KIF1A: variants seen among roughly 807,000 people sequenced by gnomAD.
KIF1A encodes the protein kinesin-like protein KIF1A.
Under a neutral mutation model 227.3 loss-of-function variants are expected in KIF1A, and 46 were observed. That is an observed-to-expected ratio of 0.20 (90% CI 0.16 to 0.26). The LOEUF (loss-of-function observed/expected upper bound fraction) is 0.26, where lower values mean the gene tolerates loss of function less well. Ranked by LOEUF, KIF1A falls within the 10% of genes least tolerant of loss-of-function variation. KIF1A has a pLI of 1.00. For missense variants in KIF1A, 1,683 were observed against 2,485.9 expected (o/e 0.68, Z 6.87); for synonymous variants, 1,022 against 1,012.8 (o/e 1.01, Z -0.17).
At chr2:240,734,371 G>A (rs533270421) in intron 38 of KIF1A, among the ~76,000 whole-genome samples, 1 of 152,328 alleles carries the variant, frequency 6.6e-6, no homozygotes, top group East Asian at 1.9e-4. Flanking sequence ...CCATCCACAG[G>A]GCAGGGTGTG....
rs890263374 is a variant in KIF1A, at chr2:240,793,944, C to T, written c.106+3703G>A. ...CCGCCATCTTCCGAGGGGCCTGGCACACCAGCCAGGGCAGCCACTCCCAAT... is the reference window on the plus strand; with the variant it reads ...CCGCCATCTTCCGAGGGGCCTGGCATACCAGCCAGGGCAGCCACTCCCAAT... On this transcript the variant is annotated intron_variant, in intron 2 of 48. Coordinates refer to ENST00000498729, the MANE Select transcript of KIF1A (RefSeq NM_001244008.2). This position sits in a 1 kb window ranked among gnomAD's most constrained non-coding sequence, Gnocchi z 4.8. Among the ~76,000 whole-genome samples the T allele has an allele frequency of 6.6e-6, 1 of 152,200 alleles. No homozygotes were observed. Among genetic ancestry groups the T allele is most frequent in the Non-Finnish European group, 1.5e-5 (1 of 68,026 alleles).
At position 240,789,416 on chromosome 2, in the gene KIF1A, C is replaced by T; in HGVS notation, c.107-104G>A. ...AGATGGTCTTAAGAGGCCTCGGGCC[C>T]CAGACAAGCCAGGCCCCCAAATTGG... On this transcript the variant is annotated intron_variant, in intron 2 of 48. Transcript: ENST00000498729. The surrounding 1 kb of genome is among the most constrained non-coding windows in gnomAD (Gnocchi z 4.8). 1.1e-6 allele frequency: 1 copy of T among 910,840 alleles called. No homozygotes were observed. Among genetic ancestry groups the T allele is most frequent in the Non-Finnish European group, 1.8e-6 (1 of 563,656 alleles). 56.4% of individuals were successfully genotyped at this position (910,840 alleles called of 1,614,324 possible).
At chr2:240,731,870 TG>T (rs1216528217) in intron 38 of KIF1A, among the ~76,000 whole-genome samples, 2 of 107,488 alleles carry the variant, frequency 1.9e-5, no homozygotes, top group Non-Finnish European at 3.7e-5. Flanking sequence ...CTATGGGGAT[TG>T]GGGGGTAAGG....
At chr2:240,791,542 C>A (rs4676445) in intron 2 of KIF1A, among the ~76,000 whole-genome samples, 3 of 65,734 alleles carry the variant, frequency 4.6e-5, no homozygotes, top group Non-Finnish European at 8.5e-5. Context: ...CGCCTCACCC[C>A]GCTGCACTCA....
intron 38 of KIF1A, among the ~76,000 whole-genome samples, chr2:240,729,093 G>C (rs1291812993): frequency 1.3e-5 from 2 of 152,116 alleles, no homozygotes; most frequent in Admixed American, 6.5e-5. Context: ...ATCACTGTCT[G>C]GTACACATCA....
chr2:240,788,037 C>CTGG lies in KIF1A; in HGVS notation c.363+13_363+14insCCA. On this transcript the variant is annotated intron_variant, in intron 4 of 48. Transcript: ENST00000498729. The surrounding 1 kb of genome is among the most constrained non-coding windows in gnomAD (Gnocchi z 6.6). ...ATCTGCCAGGGCTGCCCCCGCCCGCCCCCCGCTTCGTGCCTGTGGGATGAT... is the reference window on the plus strand; with the variant it reads ...ATCTGCCAGGGCTGCCCCCGCCCGCCTGGCCCCGCTTCGTGCCTGTGGGATGAT... The CTGG allele has an allele frequency of 6.7e-7, 1 of 1,496,088 alleles. No homozygotes were observed. Among genetic ancestry groups the CTGG allele is most frequent in the Non-Finnish European group, 9.1e-7 (1 of 1,099,034 alleles). 92.7% of individuals were successfully genotyped at this position (1,496,088 alleles called of 1,614,324 possible).
chr2:240,734,102 G>A (rs866853093), intron 38 of KIF1A, among the ~76,000 whole-genome samples: 1 of 152,246 alleles, frequency 6.6e-6, no homozygotes, highest in African/African-American at 2.4e-5. Context: ...AAGGATGCTC[G>A]GTGGCCACGG....
In KIF1A at chr2:240,790,232, GGAGGCCT is replaced by G. The variant is rs2055492712; in HGVS notation, c.107-927_107-921del. Among the ~76,000 whole-genome samples the G allele has an allele frequency of 6.6e-6, 1 of 152,196 alleles. No homozygotes were observed. Among genetic ancestry groups the G allele is most frequent in the Non-Finnish European group, 1.5e-5 (1 of 68,032 alleles). On this transcript the variant is annotated intron_variant, in intron 2 of 48. Transcript: ENST00000498729. The surrounding 1 kb of genome is among the most constrained non-coding windows in gnomAD (Gnocchi z 5.0). ...CCAGAATTGGTGTTGACAGAGGCCTGGAGGCCTGAGGCAGTCCCCTCCCAGGTTCTCA... is the reference window on the plus strand; with the variant it reads ...CCAGAATTGGTGTTGACAGAGGCCTGGAGGCAGTCCCCTCCCAGGTTCTCA...
chr2:240,737,210 C>A, intron 37 of KIF1A, 42 bp from the exon 38 acceptor site: 1 of 1,541,344 alleles, frequency 6.5e-7, no homozygotes, highest in Non-Finnish European at 9.0e-7. Flanking sequence ...TCCCAGGGGG[C>A]AGGTGGGACC....
intron 33 of KIF1A, among the ~76,000 whole-genome samples, 180 bp from the exon 34 acceptor site, chr2:240,743,164 C>T (rs931919668): frequency 2.0e-5 from 3 of 152,132 alleles, no homozygotes; most frequent in Non-Finnish European, 4.4e-5. Context: ...CCAGCTCCCA[C>T]CCCAGAGGCC....
At chr2:240,717,549 G>A in intron 48 of KIF1A, 143 bp from the exon 49 acceptor site, 1 of 727,108 alleles carries the variant, frequency 1.4e-6, no homozygotes, top group Non-Finnish European at 2.3e-6. Flanking sequence ...CTGGGGAAGG[G>A]ACTGAATCTC....
intron 29 of KIF1A, among the ~76,000 whole-genome samples, chr2:240,746,709 C>A (rs906506366): frequency 6.6e-6 from 1 of 152,158 alleles, no homozygotes; most frequent in South Asian, 2.1e-4. Flanking sequence ...ATGGGGTGCA[C>A]TTTGGGGACC....
In KIF1A at chr2:240,772,488, C is replaced by T. The variant is rs2125963908; in HGVS notation, c.1207+82G>A. On this transcript the variant is annotated intron_variant, in intron 14 of 48. Coordinates refer to ENST00000498729, the MANE Select transcript of KIF1A (RefSeq NM_001244008.2). ...AGAGCAGGTACCCTGGGGTTCACCCCTCCCTGACCATGCCACCCTAGGCCC... is the reference window on the plus strand; with the variant it reads ...AGAGCAGGTACCCTGGGGTTCACCCTTCCCTGACCATGCCACCCTAGGCCC... 3.1e-6 allele frequency: 4 copies of T among 1,270,270 alleles called. No individual in the cohort carries two copies. The South Asian group carries it at 5.2e-5, about 16-fold the overall frequency. The allele number at this position is 1,270,270 out of a possible 1,614,324, so 78.7% of individuals were successfully genotyped here.
chr2:240,756,312 T>C (rs2049845438), intron 27 of KIF1A, among the ~76,000 whole-genome samples: 1 of 152,346 alleles, frequency 6.6e-6, no homozygotes, highest in Admixed American at 6.5e-5. Flanking sequence ...TTCATATATG[T>C]AAAATATATA....
Position 240,775,981 on chromosome 2 carries a change from A to T in KIF1A, c.883-55T>A, listed in dbSNP as rs2052676587. ...CCGAGCCCACTGCAGAGGAAGCGAAAGGGAGGGGCCAGCGCAGGCCCTGCC... is the reference window on the plus strand; with the variant it reads ...CCGAGCCCACTGCAGAGGAAGCGAATGGGAGGGGCCAGCGCAGGCCCTGCC... On this transcript the variant is annotated intron_variant, in intron 10 of 48. Transcript: ENST00000498729. The surrounding 1 kb of genome is among the most constrained non-coding windows in gnomAD (Gnocchi z 5.5). 1 of 1,253,546 alleles carries T rather than the reference A, an allele frequency of 8.0e-7. No individual in the cohort carries two copies. Among genetic ancestry groups the T allele is most frequent in the Non-Finnish European group, 1.2e-6 (1 of 853,966 alleles). 77.7% of individuals were successfully genotyped at this position (1,253,546 alleles called of 1,614,324 possible). A position where few individuals can be genotyped will look rare whatever the true frequency, so the allele number is the denominator to read the frequency against.
chr2:240,781,336 T>C (rs1462770827), intron 10 of KIF1A, among the ~76,000 whole-genome samples: 2 of 1,442 alleles, frequency 1.4e-3, no homozygotes, highest in Non-Finnish European at 2.4e-3. Context: ...CACACACAGC[T>C]CCACACACAC....
chr2:240,720,900 T>C lies in KIF1A; in HGVS notation c.4868+14A>G. 2 of 1,548,892 alleles carry C rather than the reference T, an allele frequency of 1.3e-6. No individual in the cohort carries two copies. The highest frequency in any genetic ancestry group is 1.9e-5 in the Admixed American group (1 of 52,542). The stretch of plus-strand genomic sequence containing the variant: ...GGTGCCAGAAGCCACTCCGGGAGCC[T>C]GGAGCTCACTCACCTCAGGTCAGTG... On this transcript the variant is annotated intron_variant, in intron 45 of 48. Transcript: ENST00000498729.
intron 38 of KIF1A, among the ~76,000 whole-genome samples, chr2:240,733,627 G>A (rs2047002056): frequency 6.6e-6 from 1 of 152,192 alleles, no homozygotes; most frequent in Non-Finnish European, 1.5e-5. Context: ...CTCTGCCACA[G>A]TTGTCAATCA....
rs552161869 is a variant in KIF1A at position 240,727,230 on chromosome 2, G to A, written c.4008-290C>T. On this transcript the variant is annotated intron_variant, in intron 38 of 48. Coordinates refer to ENST00000498729, the MANE Select transcript of KIF1A (RefSeq NM_001244008.2). ...CGCTGAGGCTGGAAGGAGAGGAGGCGGCAGGGAATGAGAACAAGAAGGGCA... is the reference window on the plus strand; with the variant it reads ...CGCTGAGGCTGGAAGGAGAGGAGGCAGCAGGGAATGAGAACAAGAAGGGCA... Among the ~76,000 whole-genome samples the A allele has an allele frequency of 3.9e-5, 6 of 152,312 alleles. No homozygotes were observed. In the East Asian group the frequency reaches 7.7e-4, roughly 20 times the overall value.
Sources: gnomAD v4.1 joint callset for allele counts (sites outside exome capture counted in the v4.1 genomes callset) on GRCh38, gnomAD v4.1.1 for gene constraint, Gnocchi (gnomAD v3.1) non-coding constraint, MANE v1.5 for transcripts, NCBI Gene and HGNC (gene_info 2026-07-23, HGNC 2026-07-21) for gene names.